The following DCDC1 variants were observed in gnomAD, a reference collection of about 807,000 sequenced individuals.
DCDC1 encodes doublecortin domain-containing protein 1.
A neutral mutation model predicts 178.3 loss-of-function variants in DCDC1; 200 were observed. That is an observed-to-expected ratio of 1.12 (90% CI 1.00 to 1.26). The LOEUF is 1.26. Among genes scored for constraint, DCDC1 ranks in the 50% most tolerant of loss-of-function variants. The pLI is 0.00. For synonymous variants in DCDC1, 690 were observed against 604.8 expected, an observed-to-expected ratio of 1.14 and a Z score of -2.07; for missense variants, 1,983 against 1,749.2, an observed-to-expected ratio of 1.13 and a Z score of -2.38.
intron 9 of DCDC1, among the ~76,000 whole-genome samples, chr11:31,214,522 A>G (rs1403803366): frequency 6.6e-6 from 1 of 152,076 alleles, no homozygotes; most frequent in African/African-American, 2.4e-5. Context: ...TGTGGTAGGG[A>G]GGGGAGGTGC....
At chr11:30,921,843 C>CT (rs1226147307) in intron 24 of DCDC1, among the ~76,000 whole-genome samples, 1 of 152,096 alleles carries the variant, frequency 6.6e-6, no homozygotes, top group Non-Finnish European at 1.5e-5. Flanking sequence ...GGAGGTGCAG[C>CT]TAAGACCCAG....
chr11:30,929,147 T>A (rs1946771190), intron 22 of DCDC1, among the ~76,000 whole-genome samples: 1 of 152,126 alleles, frequency 6.6e-6, no homozygotes. Context: ...AGTCACTAAT[T>A]TAAGGCCTAT....
chr11:30,902,941 G>A (rs1486790025), intron 32 of DCDC1, among the ~76,000 whole-genome samples: 3 of 152,174 alleles, frequency 2.0e-5, no homozygotes, highest in African/African-American at 7.2e-5. Flanking sequence ...ATCATGCAGT[G>A]TGTCCAAAAA....
At chr11:31,106,619 G>A (rs1344781968) in intron 13 of DCDC1, among the ~76,000 whole-genome samples, 178 bp downstream of exon 13, 1 of 152,208 alleles carries the variant, frequency 6.6e-6, no homozygotes, top group East Asian at 1.9e-4. Context: ...GATAGAGAGA[G>A]AGAAGGAGAT....
chr11:31,304,149 C>T (rs541786582), intron 6 of DCDC1, among the ~76,000 whole-genome samples: 1 of 152,286 alleles, frequency 6.6e-6, no homozygotes, highest in African/African-American at 2.4e-5. Context: ...ATCCACCAAG[C>T]TCAGTCATGT....
At chr11:31,283,099 T>C (rs1048931043) in intron 7 of DCDC1, among the ~76,000 whole-genome samples, 1 of 152,182 alleles carries the variant, frequency 6.6e-6, no homozygotes, top group African/African-American at 2.4e-5. Flanking sequence ...TTCTTAGATA[T>C]GTGGGTTGTT....
At chr11:31,356,527 C>T (rs1019305931) in intron 1 of DCDC1, among the ~76,000 whole-genome samples, 2 of 151,576 alleles carry the variant, frequency 1.3e-5, no homozygotes, top group African/African-American at 4.8e-5. Flanking sequence ...ATTAAAAGAA[C>T]TAGAAAAGCA....
intron 11 of DCDC1, among the ~76,000 whole-genome samples, chr11:31,117,679 G>T (rs77535899): frequency 0.021 from 3,072 of 145,582 alleles, 90 homozygotes; most frequent in African/African-American, 0.072. Flanking sequence ...TGTGACTATT[G>T]ACAAAAAATA....
chr11:31,119,021 C>T (rs187116541), intron 11 of DCDC1, among the ~76,000 whole-genome samples: 1 of 152,142 alleles, frequency 6.6e-6, no homozygotes, highest in African/African-American at 2.4e-5. Flanking sequence ...CCCCAAAATC[C>T]ACAAAGAGGA....
At chr11:31,355,000 G>A (rs777305988) in intron 1 of DCDC1, among the ~76,000 whole-genome samples, 3 of 147,180 alleles carry the variant, frequency 2.0e-5, no homozygotes, top group Non-Finnish European at 3.0e-5. Flanking sequence ...GTTGCACTGG[G>A]ACAACAGTGC....
At chr11:30,978,536 T>C (rs570690471) in intron 20 of DCDC1, among the ~76,000 whole-genome samples, 13 of 152,304 alleles carry the variant, frequency 8.5e-5, no homozygotes, top group East Asian at 1.9e-4. Context: ...ATGTGATATT[T>C]TGTTCCATGC....
chr11:31,214,762 T>C (rs970666708), intron 9 of DCDC1, among the ~76,000 whole-genome samples: 1 of 152,286 alleles, frequency 6.6e-6, no homozygotes, highest in Non-Finnish European at 1.5e-5. Context: ...TTTAATTCAC[T>C]AATACAAGTT....
At chr11:31,053,297 T>C (rs1955381377) in intron 20 of DCDC1, among the ~76,000 whole-genome samples, 1 of 152,016 alleles carries the variant, frequency 6.6e-6, no homozygotes, top group Non-Finnish European at 1.5e-5. Flanking sequence ...TTAGATACCC[T>C]GAATAGACTA....
At chr11:31,006,749 G>A (rs1381699462) in intron 20 of DCDC1, among the ~76,000 whole-genome samples, 3 of 152,116 alleles carry the variant, frequency 2.0e-5, no homozygotes, top group Admixed American at 2.0e-4. Flanking sequence ...TACAACTCCA[G>A]TTTCAAAACT....
chr11:30,888,148 A>AAG (rs1313873942), intron 36 of DCDC1, among the ~76,000 whole-genome samples: 2 of 141,120 alleles, frequency 1.4e-5, no homozygotes, highest in South Asian at 2.1e-4. Context: ...GAAAGAAAGA[A>AAG]AGAAAGAAAG....
chr11:31,103,541 A>G, intron 14 of DCDC1, 103 bp downstream of exon 14: 1 of 580,458 alleles, frequency 1.7e-6, no homozygotes, highest in East Asian at 2.8e-5. Flanking sequence ...GACAACTGAA[A>G]GAGCATCTTT....
intron 37 of DCDC1, among the ~76,000 whole-genome samples, chr11:30,880,634 T>A (rs1304176461): frequency 6.6e-6 from 1 of 152,126 alleles, no homozygotes; most frequent in Non-Finnish European, 1.5e-5. Flanking sequence ...TTTAACTTCA[T>A]CAGGATATAT....
chr11:31,193,143 T>C (rs553533580), intron 9 of DCDC1, among the ~76,000 whole-genome samples: 1 of 152,150 alleles, frequency 6.6e-6, no homozygotes, highest in East Asian at 1.9e-4. Flanking sequence ...CATCACTGGC[T>C]TTCCTGGTTC....
chr11:31,065,580 A>G (rs748904361), intron 18 of DCDC1, among the ~76,000 whole-genome samples: 3 of 152,214 alleles, frequency 2.0e-5, no homozygotes, highest in Non-Finnish European at 4.4e-5. Context: ...AAAGAGCTGC[A>G]TTAAGCATAG....
Sources: gnomAD v4.1 joint callset for allele counts (sites outside exome capture counted in the v4.1 genomes callset) on GRCh38, gnomAD v4.1.1 for gene constraint, MANE v1.5 for transcripts, NCBI Gene and HGNC (gene_info 2026-07-23, HGNC 2026-07-21) for gene names.